FSTL5: variants seen among roughly 807,000 people sequenced by gnomAD.
FSTL5 encodes the protein follistatin like 5.
A neutral mutation model predicts 89.1 loss-of-function variants in FSTL5; 62 were observed. The observed-to-expected ratio is 0.70, with a 90% CI of 0.57 to 0.86. The LOEUF is 0.86. Among genes scored for constraint, FSTL5 ranks in the 40% least tolerant of loss-of-function variants. The pLI is 0.00. For synonymous variants in FSTL5, 383 were observed against 346.2 expected (o/e 1.11, Z -1.18); for missense variants, 1,057 against 1,001.6 (o/e 1.06, Z -0.75).
chr4:161,839,896 A>G (rs1731159736), intron 4 of FSTL5, among the ~76,000 whole-genome samples: 1 of 152,196 alleles, frequency 6.6e-6, no homozygotes, highest in Admixed American at 6.5e-5. Flanking sequence ...TTTTAAAGGA[A>G]AATGTAAGTG....
chr4:161,898,630 C>CTTTTTT (rs773799106), intron 4 of FSTL5, among the ~76,000 whole-genome samples: 1 of 128,270 alleles, frequency 7.8e-6, no homozygotes, highest in Non-Finnish European at 1.6e-5. Flanking sequence ...GTATTATATT[C>CTTTTTT]TTTTTTTTTT....
chr4:161,811,310 C>T (rs1730138844), intron 4 of FSTL5, among the ~76,000 whole-genome samples: 1 of 152,120 alleles, frequency 6.6e-6, no homozygotes, highest in African/African-American at 2.4e-5. Flanking sequence ...ATATACAAAT[C>T]ATATGACTTT....
At chr4:161,968,530 A>T (rs957563832) in intron 3 of FSTL5, among the ~76,000 whole-genome samples, 1 of 152,172 alleles carries the variant, frequency 6.6e-6, no homozygotes, top group Non-Finnish European at 1.5e-5. Flanking sequence ...GAAGAAAAAT[A>T]GGACAGAACT....
intron 15 of FSTL5, among the ~76,000 whole-genome samples, chr4:161,442,884 T>A (rs1732819373): frequency 6.6e-6 from 1 of 152,014 alleles, no homozygotes; most frequent in South Asian, 2.1e-4. Context: ...CATTCCAAAC[T>A]TTTTAAAGCC....
chr4:161,390,679 T>C (rs1730791863), intron 15 of FSTL5, among the ~76,000 whole-genome samples: 1 of 152,062 alleles, frequency 6.6e-6, no homozygotes, highest in Non-Finnish European at 1.5e-5. Flanking sequence ...CAATTCCCTG[T>C]GTCAACTTGT....
At chr4:161,470,601 G>C (rs1733902095) in intron 13 of FSTL5, among the ~76,000 whole-genome samples, 1 of 150,236 alleles carries the variant, frequency 6.7e-6, no homozygotes, top group African/African-American at 2.4e-5. Flanking sequence ...TGAATTTTAA[G>C]ATGAGCTTCT....
chr4:161,598,209 T>C (rs1274315767), intron 7 of FSTL5, among the ~76,000 whole-genome samples: 1 of 152,002 alleles, frequency 6.6e-6, no homozygotes, highest in East Asian at 1.9e-4. Context: ...ACTCCATCTC[T>C]ACTAAAAATA....
intron 11 of FSTL5, among the ~76,000 whole-genome samples, chr4:161,502,291 T>A (rs1157135072): frequency 6.6e-6 from 1 of 151,914 alleles, no homozygotes; most frequent in African/African-American, 2.4e-5. Context: ...AGCTATATTT[T>A]CCACTAAATA....
chr4:161,422,424 T>C (rs766784136), intron 15 of FSTL5, among the ~76,000 whole-genome samples: 1 of 152,230 alleles, frequency 6.6e-6, no homozygotes, highest in Non-Finnish European at 1.5e-5. Flanking sequence ...AAACAGTTTT[T>C]TCTCCTGAGC....
chr4:162,120,479 A>G (rs934814302), intron 1 of FSTL5, among the ~76,000 whole-genome samples: 1 of 152,110 alleles, frequency 6.6e-6, no homozygotes, highest in Non-Finnish European at 1.5e-5. Flanking sequence ...AGAACACAAG[A>G]GAACAGAACT....
chr4:161,580,550 C>G (rs1733396679), intron 8 of FSTL5, among the ~76,000 whole-genome samples: 1 of 152,078 alleles, frequency 6.6e-6, no homozygotes, highest in African/African-American at 2.4e-5. Flanking sequence ...TCATGAGATT[C>G]ATAACTATGG....
intron 4 of FSTL5, among the ~76,000 whole-genome samples, chr4:161,889,844 CT>C (rs1206226552): frequency 6.6e-6 from 1 of 152,156 alleles, no homozygotes; most frequent in East Asian, 1.9e-4. Context: ...AAATTTTTCT[CT>C]AATAAACATT....
At chr4:161,522,775 T>C (rs115968923) in intron 10 of FSTL5, among the ~76,000 whole-genome samples, 1,693 of 151,814 alleles carry the variant, frequency 0.011, 28 homozygotes, top group African/African-American at 0.038. Flanking sequence ...AAATAGTCGA[T>C]TGCCATACTG....
chr4:161,666,489 TAGCAA>T (rs1736896365), intron 6 of FSTL5, among the ~76,000 whole-genome samples: 1 of 152,188 alleles, frequency 6.6e-6, no homozygotes, highest in South Asian at 2.1e-4. Context: ...AAGCCTCATC[TAGCAA>T]ACTTTTCTGG....
At chr4:161,644,351 ACT>A (rs1236573864) in intron 7 of FSTL5, among the ~76,000 whole-genome samples, 1 of 152,022 alleles carries the variant, frequency 6.6e-6, no homozygotes, top group Non-Finnish European at 1.5e-5. Context: ...ATGTGGTGAA[ACT>A]CTATCTCTAC....
At chr4:161,620,016 A>C (rs1324642432) in intron 7 of FSTL5, among the ~76,000 whole-genome samples, 6 of 152,130 alleles carry the variant, frequency 3.9e-5, no homozygotes, top group African/African-American at 1.4e-4. Context: ...GCCATAAAAA[A>C]TGATGAGCTC....
At chr4:161,493,109 G>A (rs56382345) in intron 12 of FSTL5, among the ~76,000 whole-genome samples, 3,928 of 151,906 alleles carry the variant, frequency 0.026, 172 homozygotes, top group African/African-American at 0.088. Flanking sequence ...AATTAAGCCA[G>A]TGTTCAGAAA....
At chr4:161,486,693 C>G (rs1298827470) in intron 12 of FSTL5, among the ~76,000 whole-genome samples, 1 of 152,114 alleles carries the variant, frequency 6.6e-6, no homozygotes, top group Non-Finnish European at 1.5e-5. Context: ...TCCTTCCTGC[C>G]ACAAATAATG....
intron 1 of FSTL5, among the ~76,000 whole-genome samples, chr4:162,155,674 TA>T (rs1561050261): frequency 6.6e-6 from 1 of 152,182 alleles, no homozygotes; most frequent in Non-Finnish European, 1.5e-5. Flanking sequence ...GCTCTTAAAC[TA>T]TAAGAACTTT....
Sources: gnomAD v4.1 joint callset for allele counts (sites outside exome capture counted in the v4.1 genomes callset) on GRCh38, gnomAD v4.1.1 for gene constraint, MANE v1.5 for transcripts, NCBI Gene and HGNC (gene_info 2026-07-23, HGNC 2026-07-21) for gene names.